The following GAB2 variants were observed in gnomAD, a reference collection of about 807,000 sequenced individuals.
GAB2 encodes GRB2 associated binding protein 2.
Under a neutral mutation model 65.5 loss-of-function variants are expected in GAB2, and 26 were observed. That is an observed-to-expected ratio of 0.40 (90% CI 0.29 to 0.55). The LOEUF is 0.55. Among genes scored for constraint, GAB2 ranks in the 20% least tolerant of loss-of-function variants. The pLI, the probability that GAB2 is intolerant of heterozygous loss-of-function variation, is 0.53. For synonymous variants in GAB2, 321 were observed against 329.6 expected (o/e 0.97, Z 0.28); for missense variants, 884 against 875.8 (o/e 1.01, Z -0.12).
rs551916246 is a variant in GAB2, at chr11:78,242,267, C to T, written c.620+7890G>A. ...CCTGTAATCCCAGCACTTTGAGAGG[C>T]CAAGGTGGGCGGATCACGAGGTCAG... On this transcript the variant is annotated intron_variant, in intron 3 of 9. Coordinates refer to ENST00000361507, the MANE Select transcript of GAB2 (RefSeq NM_080491.3). 2.6e-5 allele frequency among the ~76,000 whole-genome samples: 4 copies of T among 152,136 alleles called. No individual in the cohort carries two copies. The South Asian group carries it at 8.3e-4, about 32-fold the overall frequency.
At chr11:78,276,879 A>T (rs1866186878) in intron 2 of GAB2, among the ~76,000 whole-genome samples, 1 of 152,154 alleles carries the variant, frequency 6.6e-6, no homozygotes, top group South Asian at 2.1e-4. Flanking sequence ...GTGCAGTGGC[A>T]CAATCTCGGC....
chr11:78,302,504 A>G (rs1049177719), intron 1 of GAB2, among the ~76,000 whole-genome samples: 1 of 152,072 alleles, frequency 6.6e-6, no homozygotes, highest in Non-Finnish European at 1.5e-5. Flanking sequence ...TCCTGCAAGA[A>G]TGGCCATTAA....
At chr11:78,354,547 G>A (rs978250288) in intron 1 of GAB2, among the ~76,000 whole-genome samples, 5 of 152,120 alleles carry the variant, frequency 3.3e-5, no homozygotes, top group African/African-American at 1.2e-4. Flanking sequence ...GTCATCTGGA[G>A]TGGGGGCTAG....
chr11:78,360,028 A>G (rs137998722), intron 1 of GAB2, among the ~76,000 whole-genome samples: 1 of 152,316 alleles, frequency 6.6e-6, no homozygotes, highest in East Asian at 1.9e-4. Context: ...GGAAGAACAG[A>G]CAGAGGGACA....
chr11:78,379,712 AGTGTACTTGGTTGT>A (rs1465642540), intron 1 of GAB2, among the ~76,000 whole-genome samples: 2 of 152,364 alleles, frequency 1.3e-5, no homozygotes, highest in East Asian at 3.9e-4. Context: ...CCTGCACAAG[AGTGTACTTGGTTGT>A]CATGTCTGTC....
intron 1 of GAB2, among the ~76,000 whole-genome samples, chr11:78,290,333 C>G (rs1866624735): frequency 6.6e-6 from 1 of 152,196 alleles, no homozygotes; most frequent in Non-Finnish European, 1.5e-5. Flanking sequence ...ACTCCCATCT[C>G]TGATGAAATA....
chr11:78,286,725 T>C (rs1235391599), intron 1 of GAB2, among the ~76,000 whole-genome samples: 1 of 152,208 alleles, frequency 6.6e-6, no homozygotes, highest in Non-Finnish European at 1.5e-5. Context: ...ATAGATTCTC[T>C]ATGGTGTGAG....
At chr11:78,281,248 A>T (rs1866326665) in intron 1 of GAB2, among the ~76,000 whole-genome samples, 1 of 143,726 alleles carries the variant, frequency 7.0e-6, no homozygotes. Context: ...ACCTTAATGC[A>T]TTTTTTTTTT....
At chr11:78,346,478 G>A (rs1214664983) in intron 1 of GAB2, among the ~76,000 whole-genome samples, 1 of 151,738 alleles carries the variant, frequency 6.6e-6, no homozygotes, top group Non-Finnish European at 1.5e-5. Context: ...TAGAGACTGG[G>A]TGATTTGCTA....
chr11:78,340,472 T>A (rs1017357076), intron 1 of GAB2, among the ~76,000 whole-genome samples: 2 of 152,198 alleles, frequency 1.3e-5, no homozygotes, highest in Non-Finnish European at 2.9e-5. Flanking sequence ...TTGTTCAGAT[T>A]TCTACCCTTT....
chr11:78,267,491 A>T (rs999804791), intron 2 of GAB2, among the ~76,000 whole-genome samples: 3 of 152,182 alleles, frequency 2.0e-5, no homozygotes, highest in Admixed American at 2.0e-4. Flanking sequence ...TAATAATGTC[A>T]AATATGGAAA....
chr11:78,408,397 G>C (rs1053563305), intron 1 of GAB2, among the ~76,000 whole-genome samples: 1 of 152,058 alleles, frequency 6.6e-6, no homozygotes, highest in African/African-American at 2.4e-5. Context: ...TGTATAGAGA[G>C]ATACACTCAA....
intron 1 of GAB2, among the ~76,000 whole-genome samples, chr11:78,364,619 T>C (rs1020698078): frequency 1.3e-5 from 2 of 152,218 alleles, no homozygotes; most frequent in African/African-American, 2.4e-5. Context: ...ATTCTACCTC[T>C]AGCTTCTCAC....
At chr11:78,376,372 G>T (rs1363111095) in intron 1 of GAB2, among the ~76,000 whole-genome samples, 1 of 152,128 alleles carries the variant, frequency 6.6e-6, no homozygotes, top group African/African-American at 2.4e-5. Context: ...ACTATTCTAA[G>T]CACTTTATGT....
intron 3 of GAB2, among the ~76,000 whole-genome samples, chr11:78,236,104 G>T (rs897335475): frequency 6.6e-6 from 1 of 152,130 alleles, no homozygotes; most frequent in Non-Finnish European, 1.5e-5. Flanking sequence ...CCATATTTAG[G>T]TCTTTAATTT....
intron 1 of GAB2, among the ~76,000 whole-genome samples, chr11:78,395,061 A>G (rs1377539697): frequency 1.3e-5 from 2 of 151,622 alleles, no homozygotes; most frequent in East Asian, 3.9e-4. Flanking sequence ...CACTGGAATG[A>G]CTGGAGACCA....
At chr11:78,250,594 G>C (rs947107543) in intron 2 of GAB2, among the ~76,000 whole-genome samples, 194 bp from the exon 3 acceptor site, 1 of 152,088 alleles carries the variant, frequency 6.6e-6, no homozygotes, top group Non-Finnish European at 1.5e-5. Context: ...CTTTACCTTT[G>C]TATGGCTTCT....
chr11:78,386,271 T>C (rs1856765127), intron 1 of GAB2, among the ~76,000 whole-genome samples: 1 of 152,204 alleles, frequency 6.6e-6, no homozygotes, highest in African/African-American at 2.4e-5. Flanking sequence ...TTCTAGTTGC[T>C]TCTTTCCTGA....
chr11:78,362,747 G>A (rs563010512), intron 1 of GAB2, among the ~76,000 whole-genome samples: 1 of 152,188 alleles, frequency 6.6e-6, no homozygotes, highest in African/African-American at 2.4e-5. Context: ...AAATACAAGA[G>A]CACAGGTAGG....
Sources: gnomAD v4.1 joint callset for allele counts (sites outside exome capture counted in the v4.1 genomes callset) on GRCh38, gnomAD v4.1.1 for gene constraint, MANE v1.5 for transcripts, NCBI Gene and HGNC (gene_info 2026-07-23, HGNC 2026-07-21) for gene names.